LTBP1: variants seen among roughly 807,000 people sequenced by gnomAD.
LTBP1 encodes the protein latent transforming growth factor beta binding protein 1, also known as latent-transforming growth factor beta-binding protein 1.
In LTBP1, 129 loss-of-function variants were observed where a neutral mutation model predicts 207.6. That is an observed-to-expected ratio of 0.62 (90% CI 0.54 to 0.72). The LOEUF is 0.72. LTBP1 is among the 30% of genes least tolerant of loss of function. The pLI is 0.00. For missense variants in LTBP1, 2,281 were observed against 2,217.2 expected (o/e 1.03, Z -0.58); for synonymous variants, 963 against 833.7 (o/e 1.16, Z -2.67).
intron 3 of LTBP1, among the ~76,000 whole-genome samples, chr2:33,047,857 A>T (rs375579547): frequency 1.1e-4 from 17 of 151,974 alleles, no homozygotes; most frequent in African/African-American, 3.9e-4. Context: ...TGATCCCTTT[A>T]CCACTATGTA....
intron 26 of LTBP1, among the ~76,000 whole-genome samples, chr2:33,354,676 A>G (rs1200887374): frequency 7.3e-6 from 1 of 136,746 alleles, no homozygotes; most frequent in Non-Finnish European, 1.5e-5. Flanking sequence ...GTGACAAACT[A>G]AAACTATACA....
At chr2:33,095,500 T>C (rs926037944) in intron 3 of LTBP1, among the ~76,000 whole-genome samples, 1 of 152,146 alleles carries the variant, frequency 6.6e-6, no homozygotes, top group East Asian at 1.9e-4. Flanking sequence ...ATTAACATTA[T>C]TTAGAGTAAG....
intron 24 of LTBP1, among the ~76,000 whole-genome samples, chr2:33,329,672 T>A (rs1354434225): frequency 1.3e-5 from 2 of 152,122 alleles, no homozygotes; most frequent in Non-Finnish European, 2.9e-5. Flanking sequence ...AATATGAATT[T>A]TTTTTATTAA....
intron 31 of LTBP1, among the ~76,000 whole-genome samples, chr2:33,372,903 C>T (rs1288147871): frequency 6.6e-6 from 1 of 152,074 alleles, no homozygotes; most frequent in Non-Finnish European, 1.5e-5. Context: ...GGAAAATGTA[C>T]GTAAGAATCA....
intron 4 of LTBP1, among the ~76,000 whole-genome samples, chr2:33,115,864 A>T (rs1038163389): frequency 1.1e-4 from 17 of 152,228 alleles, no homozygotes; most frequent in African/African-American, 4.1e-4. Flanking sequence ...GATTAGTTTG[A>T]CATAACCTGC....
In LTBP1 at chr2:33,255,442, G is replaced by A. The variant is rs181836573; in HGVS notation, c.2168-1842G>A. Among the ~76,000 whole-genome samples the A allele has an allele frequency of 1.2e-4, 18 of 152,138 alleles. No individual in the cohort carries two copies. In the East Asian group the frequency reaches 3.3e-3, roughly 28 times the overall value. ...AGTGTGGCGATTCCTCAGGGATCTA[G>A]AACTAGAAATACCATTTGACCCAGC... On this transcript the variant is annotated intron_variant, in intron 11 of 33. Transcript: ENST00000404816.
chr2:32,996,812 C>A (rs1171696495), intron 2 of LTBP1, among the ~76,000 whole-genome samples: 2 of 152,158 alleles, frequency 1.3e-5, no homozygotes, highest in East Asian at 3.9e-4. Context: ...TACACCCAGG[C>A]CAGTCTCGCG....
At chr2:33,217,225 C>T (rs1170237027) in intron 7 of LTBP1, among the ~76,000 whole-genome samples, 1 of 152,110 alleles carries the variant, frequency 6.6e-6, no homozygotes, top group African/African-American at 2.4e-5. Context: ...TCTAAAAAGC[C>T]TATATTGATC....
chr2:33,070,419 A>G (rs899242515), intron 3 of LTBP1, among the ~76,000 whole-genome samples: 6 of 152,206 alleles, frequency 3.9e-5, no homozygotes, highest in Admixed American at 3.9e-4. Flanking sequence ...GTGGCTAGCC[A>G]TGGCTGGTGG....
At chr2:33,111,391 G>A (rs1051208800) in intron 4 of LTBP1, among the ~76,000 whole-genome samples, 3 of 152,212 alleles carry the variant, frequency 2.0e-5, no homozygotes, top group African/African-American at 7.2e-5. Flanking sequence ...ACGTTCTGGA[G>A]TAAGGCGCAG....
chr2:33,167,773 C>G (rs772167770), intron 5 of LTBP1, among the ~76,000 whole-genome samples: 33 of 152,086 alleles, frequency 2.2e-4, no homozygotes, highest in Non-Finnish European at 4.1e-4. Flanking sequence ...ATGACTGAGA[C>G]TAAAAAGAAC....
chr2:33,010,193 G>A (rs541478154), intron 2 of LTBP1, among the ~76,000 whole-genome samples: 1 of 152,350 alleles, frequency 6.6e-6, no homozygotes, highest in African/African-American at 2.4e-5. Flanking sequence ...ACTCCCACTG[G>A]ATTTAGCAGC....
chr2:33,193,499 T>C (rs1468083656), intron 7 of LTBP1, among the ~76,000 whole-genome samples: 2 of 152,198 alleles, frequency 1.3e-5, no homozygotes, highest in African/African-American at 4.8e-5. Context: ...TGAAATTCCA[T>C]GATGTTCGTA....
At chr2:33,373,596 G>T (rs1316347172) in intron 31 of LTBP1, among the ~76,000 whole-genome samples, 1 of 152,090 alleles carries the variant, frequency 6.6e-6, no homozygotes, top group African/African-American at 2.4e-5. Flanking sequence ...TTTAAATAAT[G>T]CTAGGAAGAA....
intron 31 of LTBP1, among the ~76,000 whole-genome samples, chr2:33,377,662 G>C (rs929032046): frequency 6.6e-6 from 1 of 152,160 alleles, no homozygotes; most frequent in Non-Finnish European, 1.5e-5. Context: ...TAAACAATCT[G>C]ATCCTAAAAA....
At chr2:33,013,160 A>AAAT (rs1458291479) in intron 2 of LTBP1, among the ~76,000 whole-genome samples, 1 of 152,196 alleles carries the variant, frequency 6.6e-6, no homozygotes, top group African/African-American at 2.4e-5. Flanking sequence ...GAGGCTACTG[A>AAAT]AATATTTGAA....
chr2:33,234,397 C>G (rs944415212), intron 9 of LTBP1, among the ~76,000 whole-genome samples: 2 of 152,044 alleles, frequency 1.3e-5, no homozygotes, highest in Non-Finnish European at 1.5e-5. Context: ...GGTGGTATGG[C>G]TATAGACACG....
chr2:32,997,814 A>C (rs1462034785), intron 2 of LTBP1, among the ~76,000 whole-genome samples: 21 of 152,176 alleles, frequency 1.4e-4, no homozygotes, highest in Admixed American at 1.4e-3. Context: ...GGAGAACACA[A>C]ACATTTCGAC....
intron 3 of LTBP1, among the ~76,000 whole-genome samples, chr2:33,092,288 T>C (rs2079144971): frequency 1.3e-5 from 2 of 152,228 alleles, no homozygotes; most frequent in Non-Finnish European, 2.9e-5. Flanking sequence ...GTTATCCATA[T>C]GTAAAGGATC....
Sources: allele counts gnomAD v4.1 joint callset (sites outside exome capture counted in the v4.1 genomes callset), GRCh38; gene constraint gnomAD v4.1.1; transcripts MANE v1.5; gene names NCBI Gene and HGNC (gene_info 2026-07-23, HGNC 2026-07-21).